LCLAT1: variants seen among roughly 807,000 people sequenced by gnomAD.
LCLAT1 encodes the protein 1-AGP acyltransferase 8.
A neutral mutation model predicts 30.7 loss-of-function variants in LCLAT1; 11 were observed. The ratio of observed to expected loss-of-function variants is 0.36; its 90% CI spans 0.23 to 0.59. The LOEUF is 0.59. Among genes scored for constraint, LCLAT1 ranks in the 20% least tolerant of loss-of-function variants. The pLI is 0.77. For synonymous variants in LCLAT1, 155 were observed against 151.3 expected, an observed-to-expected ratio of 1.02 and a Z score of -0.18; for missense variants, 402 against 458.6, an observed-to-expected ratio of 0.88 and a Z score of 1.13.
intron 5 of LCLAT1, among the ~76,000 whole-genome samples, chr2:30,599,006 T>TAGAG (rs35106638): frequency 2.0e-5 from 3 of 147,914 alleles, no homozygotes; most frequent in African/African-American, 7.4e-5. Flanking sequence ...TTGAGATAGA[T>TAGAG]AGAGTCTCAC....
chr2:30,527,943 C>T (rs1026793367), intron 2 of LCLAT1, among the ~76,000 whole-genome samples: 29 of 152,180 alleles, frequency 1.9e-4, no homozygotes, highest in African/African-American at 7.0e-4. Context: ...TCCAGGCTGG[C>T]AAGGTCCCTA....
chr2:30,611,205 A>C (rs1182514092), intron 5 of LCLAT1, among the ~76,000 whole-genome samples: 1 of 151,196 alleles, frequency 6.6e-6, no homozygotes, highest in Non-Finnish European at 1.5e-5. Flanking sequence ...TATATGCATG[A>C]GAAAGTTTGC....
intron 5 of LCLAT1, among the ~76,000 whole-genome samples, chr2:30,605,134 A>C (rs1323591380): frequency 1.3e-5 from 2 of 152,322 alleles, no homozygotes; most frequent in East Asian, 1.9e-4. Flanking sequence ...AAAGACCAAA[A>C]TGTTTGTGTG....
intron 1 of LCLAT1, among the ~76,000 whole-genome samples, chr2:30,491,223 A>G (rs951488545): frequency 2.0e-5 from 3 of 152,242 alleles, no homozygotes; most frequent in African/African-American, 7.2e-5. Flanking sequence ...TATATTGGCC[A>G]TGGATAAAGT....
chr2:30,616,597 C>A (rs1045374852), intron 5 of LCLAT1, among the ~76,000 whole-genome samples: 4 of 152,010 alleles, frequency 2.6e-5, no homozygotes, highest in African/African-American at 9.7e-5. Flanking sequence ...TAACCTTTTT[C>A]CTTTCTAGAT....
intron 5 of LCLAT1, among the ~76,000 whole-genome samples, chr2:30,582,547 T>C (rs1425366251): frequency 6.6e-6 from 1 of 152,258 alleles, no homozygotes; most frequent in African/African-American, 2.4e-5. Context: ...TGTCCAACTT[T>C]GCTTATTATG....
At chr2:30,615,696 G>A (rs1325056858) in intron 5 of LCLAT1, among the ~76,000 whole-genome samples, 1 of 152,126 alleles carries the variant, frequency 6.6e-6, no homozygotes, top group Non-Finnish European at 1.5e-5. Flanking sequence ...TAAGACTTAT[G>A]TAAATGTGTA....
At chr2:30,553,134 A>G (rs906155129) in intron 3 of LCLAT1, among the ~76,000 whole-genome samples, 1 of 152,138 alleles carries the variant, frequency 6.6e-6, no homozygotes, top group Non-Finnish European at 1.5e-5. Context: ...TACTCAGTTA[A>G]CTATATTCAT....
intron 3 of LCLAT1, among the ~76,000 whole-genome samples, chr2:30,546,836 CTA>C (rs1465459517): frequency 6.6e-6 from 1 of 152,098 alleles, no homozygotes; most frequent in African/African-American, 2.4e-5. Flanking sequence ...ATTTTTGACT[CTA>C]TCCAGTTTGG....
intron 5 of LCLAT1, among the ~76,000 whole-genome samples, chr2:30,595,059 A>G (rs779411417): frequency 9.2e-5 from 14 of 152,048 alleles, no homozygotes; most frequent in East Asian, 1.9e-4. Flanking sequence ...AATTTTAATC[A>G]TAGCCTTTTT....
At chr2:30,535,062 G>C (rs1191279366) in intron 3 of LCLAT1, among the ~76,000 whole-genome samples, 1 of 151,974 alleles carries the variant, frequency 6.6e-6, no homozygotes. Context: ...AAATGAAAAA[G>C]CCACAGTTAT....
intron 1 of LCLAT1, among the ~76,000 whole-genome samples, chr2:30,501,074 T>TGTGTGTG (rs778008035): frequency 1.3e-5 from 1 of 78,348 alleles, no homozygotes; most frequent in African/African-American, 6.1e-5. Flanking sequence ...TTTTGTTTTG[T>TGTGTGTG]TCTGTGTGTG....
chr2:30,470,842 G>T (rs549173584), intron 1 of LCLAT1, among the ~76,000 whole-genome samples: 13 of 151,728 alleles, frequency 8.6e-5, no homozygotes, highest in African/African-American at 3.1e-4. Flanking sequence ...TCTGTAGATT[G>T]CTTTGAGTAG....
intron 1 of LCLAT1, among the ~76,000 whole-genome samples, chr2:30,464,806 A>G (rs1306877165): frequency 1.3e-5 from 2 of 152,202 alleles, no homozygotes; most frequent in African/African-American, 4.8e-5. Flanking sequence ...GGAGACTAGG[A>G]TAGTATCTAA....
intron 5 of LCLAT1, among the ~76,000 whole-genome samples, chr2:30,626,896 A>T (rs943235521): frequency 2.6e-5 from 4 of 151,932 alleles, no homozygotes; most frequent in African/African-American, 9.7e-5. Context: ...AACTTTTTTT[A>T]AAAAGAGGAA....
intron 4 of LCLAT1, among the ~76,000 whole-genome samples, chr2:30,565,283 G>C (rs569606537): frequency 6.6e-6 from 1 of 152,284 alleles, no homozygotes; most frequent in South Asian, 2.1e-4. Context: ...GCCAAAGGCA[G>C]TCTAGAGGCA....
chr2:30,511,909 T>A (rs996235598), intron 1 of LCLAT1, among the ~76,000 whole-genome samples: 2 of 152,220 alleles, frequency 1.3e-5, no homozygotes, highest in African/African-American at 4.8e-5. Context: ...TCATCTCCAT[T>A]TGCATCCAGC....
chr2:30,493,798 T>A (rs987122465), intron 1 of LCLAT1, among the ~76,000 whole-genome samples: 1 of 152,176 alleles, frequency 6.6e-6, no homozygotes, highest in African/African-American at 2.4e-5. Flanking sequence ...GATAAAATAT[T>A]GAAATATCAA....
chr2:30,494,045 T>A (rs1204834219), intron 1 of LCLAT1, among the ~76,000 whole-genome samples: 1 of 151,596 alleles, frequency 6.6e-6, no homozygotes, highest in Admixed American at 6.6e-5. Context: ...AAATAAATAA[T>A]AAATAAAATA....
Sources: gnomAD v4.1 joint callset for allele counts (sites outside exome capture counted in the v4.1 genomes callset) on GRCh38, gnomAD v4.1.1 for gene constraint, MANE v1.5 for transcripts, NCBI Gene and HGNC (gene_info 2026-07-23, HGNC 2026-07-21) for gene names.